NALF1: variants seen among roughly 807,000 people sequenced by gnomAD.
NALF1 encodes family with sequence similarity 155 member A.
NALF1 carries 3 observed loss-of-function variants against 48.4 expected under a neutral mutation model. The observed-to-expected ratio is 0.06, with a 90% CI of 0.03 to 0.16. The LOEUF is 0.16. Among genes scored for constraint, NALF1 ranks in the 10% least tolerant of loss-of-function variants. NALF1 has a pLI of 1.00. For synonymous variants in NALF1, 262 were observed against 245.7 expected, an observed-to-expected ratio of 1.07 and a Z score of -0.62; for missense variants, 526 against 571.5, an observed-to-expected ratio of 0.92 and a Z score of 0.81.
chr13:107,805,810 T>G (rs1878767908), intron 1 of NALF1, among the ~76,000 whole-genome samples: 1 of 152,146 alleles, frequency 6.6e-6, no homozygotes, highest in Non-Finnish European at 1.5e-5. Flanking sequence ...TGGTAACAAT[T>G]CTCACTAGTG....
At chr13:107,372,820 T>A (rs1883270083) in intron 1 of NALF1, among the ~76,000 whole-genome samples, 1 of 152,210 alleles carries the variant, frequency 6.6e-6, no homozygotes, top group African/African-American at 2.4e-5. Context: ...AAGAAACTCT[T>A]AAGAAAATCT....
chr13:107,845,758 T>C (rs1221332343), intron 1 of NALF1, among the ~76,000 whole-genome samples: 1 of 152,162 alleles, frequency 6.6e-6, no homozygotes, highest in African/African-American at 2.4e-5. Flanking sequence ...TCTTTTAAAC[T>C]ACTGACATTT....
intron 1 of NALF1, among the ~76,000 whole-genome samples, chr13:107,273,847 C>A (rs181381048): frequency 2.6e-5 from 4 of 152,116 alleles, no homozygotes; most frequent in Non-Finnish European, 4.4e-5. Context: ...CATCTTCCAA[C>A]CTCCCAGGGT....
intron 1 of NALF1, among the ~76,000 whole-genome samples, chr13:107,797,114 G>A (rs1594273570): frequency 6.6e-6 from 1 of 152,276 alleles, no homozygotes; most frequent in Non-Finnish European, 1.5e-5. Flanking sequence ...CCTTCCACCA[G>A]ATCCCCTTGC....
intron 1 of NALF1, among the ~76,000 whole-genome samples, chr13:107,331,478 G>C (rs549559377): frequency 6.6e-6 from 1 of 152,104 alleles, no homozygotes; most frequent in Non-Finnish European, 1.5e-5. Context: ...GAGAAACAGA[G>C]GTCCACAAAA....
At chr13:107,182,648 C>T (rs1359306967) in intron 2 of NALF1, among the ~76,000 whole-genome samples, 1 of 152,068 alleles carries the variant, frequency 6.6e-6, no homozygotes, top group Non-Finnish European at 1.5e-5. Context: ...AGAACTTATC[C>T]TTTAAAAAAT....
chr13:107,437,984 A>T (rs1162507399), intron 1 of NALF1, among the ~76,000 whole-genome samples: 2 of 152,234 alleles, frequency 1.3e-5, no homozygotes, highest in African/African-American at 4.8e-5. Context: ...GTATGTATAT[A>T]AAACAAATAT....
At chr13:107,184,146 G>A (rs901290288) in intron 2 of NALF1, among the ~76,000 whole-genome samples, 7 of 149,470 alleles carry the variant, frequency 4.7e-5, no homozygotes, top group East Asian at 2.0e-4. Context: ...AAACCTGCAC[G>A]TTCTGCACAT....
intron 1 of NALF1, among the ~76,000 whole-genome samples, chr13:107,564,053 G>T (rs1321989472): frequency 6.6e-6 from 1 of 152,118 alleles, no homozygotes; most frequent in African/African-American, 2.4e-5. Flanking sequence ...AAACTTTCAT[G>T]GTTCTTAGCA....
Position 107,170,335 on chromosome 13 carries a change from T to C in NALF1, c.*162A>G. 1 of 603,822 alleles carries C rather than the reference T, an allele frequency of 1.7e-6. No homozygotes were observed. The highest frequency in any genetic ancestry group is 2.8e-6 in the Non-Finnish European group (1 of 353,254). The allele number at this position is 603,822 out of a possible 1,614,324, so 37.4% of individuals were successfully genotyped here. A position where few individuals can be genotyped will look rare whatever the true frequency, so the allele number is the denominator to read the frequency against. ...CCTTTTAGTCAATAAAAAGCTGTGGTTGTGTCCTTGTTTGGATTCAGGCCC... is the reference window on the plus strand; with the variant it reads ...CCTTTTAGTCAATAAAAAGCTGTGGCTGTGTCCTTGTTTGGATTCAGGCCC... On this transcript the variant is annotated 3_prime_UTR_variant, in exon 3 of 3. Transcript: ENST00000375915.
chr13:107,273,122 G>A (rs916716341), intron 1 of NALF1, among the ~76,000 whole-genome samples: 8 of 152,162 alleles, frequency 5.3e-5, no homozygotes, highest in Admixed American at 1.3e-4. Flanking sequence ...CCTGAAGCAG[G>A]TCATAATATT....
At chr13:107,467,143 A>G (rs1263061918) in intron 1 of NALF1, among the ~76,000 whole-genome samples, 2 of 152,164 alleles carry the variant, frequency 1.3e-5, no homozygotes, top group Non-Finnish European at 2.9e-5. Context: ...AAATGTATAT[A>G]TGAATTCTTG....
intron 1 of NALF1, among the ~76,000 whole-genome samples, chr13:107,545,862 T>C (rs1877123354): frequency 1.3e-5 from 2 of 152,156 alleles, no homozygotes; most frequent in Admixed American, 6.6e-5. Flanking sequence ...CATGAGTAAA[T>C]GCTAATCTCC....
chr13:107,840,579 T>C (rs1880016682), intron 1 of NALF1, among the ~76,000 whole-genome samples: 1 of 152,178 alleles, frequency 6.6e-6, no homozygotes, highest in Non-Finnish European at 1.5e-5. Flanking sequence ...TTACACCAAA[T>C]GCACACAGAC....
chr13:107,186,877 G>A (rs539766119), intron 2 of NALF1, among the ~76,000 whole-genome samples: 2 of 152,298 alleles, frequency 1.3e-5, no homozygotes, highest in East Asian at 3.9e-4. Flanking sequence ...ATCAAGGTAT[G>A]GGATTTGATT....
At chr13:107,346,085 G>A (rs1449910856) in intron 1 of NALF1, among the ~76,000 whole-genome samples, 1 of 152,062 alleles carries the variant, frequency 6.6e-6, no homozygotes, top group Non-Finnish European at 1.5e-5. Context: ...ACTAGGATGG[G>A]CAGCATAACA....
At chr13:107,791,855 G>C (rs1001995919) in intron 1 of NALF1, among the ~76,000 whole-genome samples, 1 of 151,958 alleles carries the variant, frequency 6.6e-6, no homozygotes, top group Non-Finnish European at 1.5e-5. Context: ...AGCTACTCAG[G>C]AGCCTGAGGC....
chr13:107,633,590 A>C (rs963488354), intron 1 of NALF1, among the ~76,000 whole-genome samples: 2 of 151,888 alleles, frequency 1.3e-5, no homozygotes, highest in African/African-American at 4.8e-5. Context: ...CCTCATAAAT[A>C]CCACATTAAA....
chr13:107,758,080 A>G (rs1877164957), intron 1 of NALF1, among the ~76,000 whole-genome samples: 1 of 152,210 alleles, frequency 6.6e-6, no homozygotes, highest in Non-Finnish European at 1.5e-5. Context: ...AAGTGACAAG[A>G]GAAAAGTAAC....
Sources: gnomAD v4.1 joint callset for allele counts (sites outside exome capture counted in the v4.1 genomes callset) on GRCh38, gnomAD v4.1.1 for gene constraint, MANE v1.5 for transcripts, NCBI Gene and HGNC (gene_info 2026-07-23, HGNC 2026-07-21) for gene names.